The following LPAR3 variants were observed in gnomAD, a reference collection of about 807,000 sequenced individuals.
LPAR3 encodes the protein LPA receptor 3.
Under a neutral mutation model 17.8 loss-of-function variants are expected in LPAR3, and 7 were observed. The observed-to-expected ratio is 0.39, with a 90% CI of 0.22 to 0.74. The LOEUF (loss-of-function observed/expected upper bound fraction) is 0.74. Among genes scored for constraint, LPAR3 ranks in the 30% least tolerant of loss-of-function variants. The pLI is 0.40. For missense variants in LPAR3, 391 were observed against 453.4 expected, an observed-to-expected ratio of 0.86 and a Z score of 1.25; for synonymous variants, 179 against 179.9, an observed-to-expected ratio of 0.99 and a Z score of 0.04.
chr1:84,832,577 G>C (rs1171139595), intron 2 of LPAR3, among the ~76,000 whole-genome samples: 2 of 152,150 alleles, frequency 1.3e-5, no homozygotes, highest in Non-Finnish European at 2.9e-5. Context: ...TGAACTATTA[G>C]GGAAAAGGAG....
chr1:84,866,688 C>T (rs777322764), intron 1 of LPAR3, among the ~76,000 whole-genome samples: 61 of 152,226 alleles, frequency 4.0e-4, no homozygotes, highest in Admixed American at 2.0e-3. Context: ...TTACCATTCA[C>T]ATAACCAAAC....
intron 1 of LPAR3, among the ~76,000 whole-genome samples, chr1:84,890,984 T>A (rs1457720997): frequency 6.6e-6 from 1 of 152,078 alleles, no homozygotes; most frequent in African/African-American, 2.4e-5. Flanking sequence ...TTCTGAAAAA[T>A]GAGATGGAGA....
chr1:84,823,687 A>T (rs1044652670), intron 2 of LPAR3, among the ~76,000 whole-genome samples: 1 of 152,226 alleles, frequency 6.6e-6, no homozygotes, highest in Non-Finnish European at 1.5e-5. Flanking sequence ...AACTACAGGC[A>T]ACAGCTGGAA....
intron 2 of LPAR3, among the ~76,000 whole-genome samples, chr1:84,848,827 C>T (rs1659640829): frequency 6.6e-6 from 1 of 152,150 alleles, no homozygotes; most frequent in Admixed American, 6.5e-5. Flanking sequence ...AAGTTTGCCA[C>T]ATGTCAGGAG....
chr1:84,868,213 G>C (rs1660090482), intron 1 of LPAR3, among the ~76,000 whole-genome samples: 1 of 152,122 alleles, frequency 6.6e-6, no homozygotes, highest in Non-Finnish European at 1.5e-5. Flanking sequence ...GGGTTCAAGT[G>C]ATTCTCCTGT....
chr1:84,868,530 T>A (rs1570896683), intron 1 of LPAR3, among the ~76,000 whole-genome samples: 2 of 152,184 alleles, frequency 1.3e-5, no homozygotes, highest in South Asian at 2.1e-4. Flanking sequence ...GTTGAAAGTA[T>A]ACAGAAATTC....
intron 1 of LPAR3, among the ~76,000 whole-genome samples, chr1:84,881,806 T>C (rs1472373610): frequency 6.6e-6 from 1 of 152,130 alleles, no homozygotes; most frequent in African/African-American, 2.4e-5. Context: ...ACACAGGATT[T>C]AGGTCCAAAC....
intron 2 of LPAR3, among the ~76,000 whole-genome samples, chr1:84,833,243 A>G (rs1296287538): frequency 1.3e-5 from 2 of 149,860 alleles, no homozygotes; most frequent in Non-Finnish European, 3.0e-5. Flanking sequence ...TAGGAAAAAC[A>G]TTAAAACTTC....
chr1:84,841,069 C>T (rs554640905), intron 2 of LPAR3, among the ~76,000 whole-genome samples: 1 of 152,328 alleles, frequency 6.6e-6, no homozygotes, highest in African/African-American at 2.4e-5. Context: ...AGTTACCAGA[C>T]CTTTTACCTC....
chr1:84,825,525 G>T (rs747824282), intron 2 of LPAR3, among the ~76,000 whole-genome samples: 2 of 152,176 alleles, frequency 1.3e-5, no homozygotes, highest in Admixed American at 1.3e-4. Flanking sequence ...TAAATGGACA[G>T]GAATGTTAAG....
At chr1:84,814,254 G>T in intron 2 of LPAR3, 83 bp from the exon 3 acceptor site, 2 of 1,141,488 alleles carry the variant, frequency 1.8e-6, no homozygotes, top group Non-Finnish European at 2.5e-6. Context: ...CCTTTAGCCA[G>T]TGGCATCAAG....
rs192317823 is a variant in LPAR3, at chr1:84,813,710, A to C, written c.*136T>G. On this transcript the variant is annotated 3_prime_UTR_variant, in exon 3 of 3. Transcript: ENST00000370611. ...CCATGCTTTTAAACTATGAAAAAAA[A>C]TTTTTTAAAGAAATCTAGCAGTGAT... 7.9e-5 allele frequency: 57 copies of C among 718,462 alleles called. No individual in the cohort carries two copies. Among genetic ancestry groups the C allele is most frequent in the Non-Finnish European group, 9.4e-5 (42 of 448,326 alleles). The allele number at this position is 718,462 out of a possible 1,614,324, so 44.5% of individuals were successfully genotyped here.
chr1:84,873,379 C>A (rs949792317), intron 1 of LPAR3, among the ~76,000 whole-genome samples: 2 of 152,118 alleles, frequency 1.3e-5, no homozygotes, highest in African/African-American at 4.8e-5. Context: ...TGTAAATAAA[C>A]AAATATTAAA....
At chr1:84,848,955 G>C (rs1463534410) in intron 2 of LPAR3, among the ~76,000 whole-genome samples, 4 of 152,128 alleles carry the variant, frequency 2.6e-5, no homozygotes, top group African/African-American at 2.4e-5. Context: ...CAACAGAACA[G>C]TACAATGTCT....
At chr1:84,877,327 C>T (rs1161496357) in intron 1 of LPAR3, among the ~76,000 whole-genome samples, 1 of 152,142 alleles carries the variant, frequency 6.6e-6, no homozygotes, top group Non-Finnish European at 1.5e-5. Flanking sequence ...GACTGGCCAG[C>T]CATGGGGGAT....
chr1:84,878,948 T>C (rs958049781), intron 1 of LPAR3, among the ~76,000 whole-genome samples: 3 of 152,238 alleles, frequency 2.0e-5, no homozygotes, highest in African/African-American at 7.2e-5. Context: ...AATCTGCTCC[T>C]GACCAATTAC....
At chr1:84,873,426 C>T (rs899916718) in intron 1 of LPAR3, among the ~76,000 whole-genome samples, 2 of 152,154 alleles carry the variant, frequency 1.3e-5, no homozygotes, top group Non-Finnish European at 2.9e-5. Context: ...GTTGACTCTA[C>T]TACACTAATT....
intron 2 of LPAR3, among the ~76,000 whole-genome samples, chr1:84,861,259 G>A (rs1659936197): frequency 6.6e-6 from 1 of 152,112 alleles, no homozygotes; most frequent in Non-Finnish European, 1.5e-5. Flanking sequence ...CTTGTTTCAG[G>A]CAATTGAATT....
At position 84,811,948 on chromosome 1, in the gene LPAR3, C is replaced by A. The variant is rs1011871156; in HGVS notation, c.*1898G>T. The stretch of plus-strand genomic sequence containing the variant: ...GTGTATGAAACATCATTTTTTCTTT[C>A]TTAACTACTTGTCTTTCATGTTGCC... On this transcript the variant is annotated 3_prime_UTR_variant, in exon 3 of 3. Transcript: ENST00000370611. 2.0e-5 allele frequency: 3 copies of A among 151,994 alleles called. No homozygotes were observed. Among genetic ancestry groups the A allele is most frequent in the African/African-American group, 7.2e-5 (3 of 41,392 alleles). 9.4% of individuals were successfully genotyped at this position (151,994 alleles called of 1,614,324 possible).
Sources: gnomAD v4.1 joint callset for allele counts (sites outside exome capture counted in the v4.1 genomes callset) on GRCh38, gnomAD v4.1.1 for gene constraint, MANE v1.5 for transcripts, NCBI Gene and HGNC (gene_info 2026-07-23, HGNC 2026-07-21) for gene names.